The following TTBK2 variants were observed in gnomAD, a reference collection of about 807,000 sequenced individuals.
TTBK2 encodes tau-tubulin kinase 2.
A neutral mutation model predicts 110.8 loss-of-function variants in TTBK2; 28 were observed. The observed-to-expected ratio is 0.25, with a 90% CI of 0.19 to 0.35. The LOEUF is 0.35. Among genes scored for constraint, TTBK2 ranks in the 10% least tolerant of loss-of-function variants. The pLI is 1.00. For synonymous variants in TTBK2, 532 were observed against 527.3 expected (o/e 1.01, Z -0.12); for missense variants, 1,369 against 1,500.3 (o/e 0.91, Z 1.45).
rs12437637 is a variant in TTBK2, at chr15:42,920,620, C to G, written c.-250G>C. ...CCGGCTGGGTAGTCCCCTGGGGTAC[C>G]GTCCGCGTTTACTGGCGGCGGCGGC... On this transcript the variant is annotated 5_prime_UTR_variant, in exon 1 of 15. Transcript: ENST00000267890. The G allele has an allele frequency of 0.57, 89,951 of 156,924 alleles. 29,243 individuals are homozygous for G. Among genetic ancestry groups the G allele is most frequent in the Non-Finnish European group, 0.71 (50,593 of 71,526 alleles). The allele number at this position is 156,924 out of a possible 1,614,324, so 9.7% of individuals were successfully genotyped here. A position where few individuals can be genotyped will look rare whatever the true frequency, so the allele number is the denominator to read the frequency against.
At chr15:42,835,671 A>C (rs768569251) in intron 4 of TTBK2, among the ~76,000 whole-genome samples, 2 of 152,134 alleles carry the variant, frequency 1.3e-5, no homozygotes, top group African/African-American at 4.8e-5. Flanking sequence ...GATCATTGAA[A>C]CTGAAGATTG....
chr15:42,904,148 G>A (rs1002813121), intron 1 of TTBK2, among the ~76,000 whole-genome samples: 20 of 152,062 alleles, frequency 1.3e-4, no homozygotes, highest in Admixed American at 4.6e-4. Flanking sequence ...GTATCCACCC[G>A]AGTCATACCC....
chr15:42,836,489 G>A (rs1418058773), intron 4 of TTBK2, among the ~76,000 whole-genome samples: 1 of 151,994 alleles, frequency 6.6e-6, no homozygotes, highest in African/African-American at 2.4e-5. Flanking sequence ...CTGTACAGAT[G>A]GGAGTTTAAA....
At chr15:42,869,697 T>C (rs550544893) in intron 3 of TTBK2, among the ~76,000 whole-genome samples, 2 of 152,042 alleles carry the variant, frequency 1.3e-5, no homozygotes, top group Non-Finnish European at 2.9e-5. Context: ...TATTCAGAGA[T>C]GTATCTCTGA....
intron 13 of TTBK2, among the ~76,000 whole-genome samples, chr15:42,765,698 G>T (rs1889333965): frequency 6.6e-6 from 1 of 152,154 alleles, no homozygotes; most frequent in African/African-American, 2.4e-5. Flanking sequence ...CACTCTGCAG[G>T]ATATTATCCA....
chr15:42,910,706 A>G lies in TTBK2; in HGVS notation c.-68+9732T>C, dbSNP rs750007202. 2.4e-4 allele frequency among the ~76,000 whole-genome samples: 37 copies of G among 152,360 alleles called. 1 individual carries two copies. The highest frequency in any genetic ancestry group is 5.0e-4 in the Non-Finnish European group (34 of 68,024). On this transcript the variant is annotated intron_variant, in intron 1 of 14. Coordinates refer to ENST00000267890, the MANE Select transcript of TTBK2 (RefSeq NM_173500.4). The stretch of plus-strand genomic sequence containing the variant: ...CAAAATAGTCTTTGAATGAGAACAC[A>G]TAATACAAAAACAGAAATTAACAGT...
intron 13 of TTBK2, among the ~76,000 whole-genome samples, chr15:42,771,750 G>T (rs1048562147): frequency 1.3e-5 from 2 of 151,758 alleles, no homozygotes; most frequent in South Asian, 4.2e-4. Context: ...TCCTTTTCTC[G>T]ATCTCTAAGA....
chr15:42,918,573 C>G (rs1431332358), intron 1 of TTBK2, among the ~76,000 whole-genome samples: 1 of 152,180 alleles, frequency 6.6e-6, no homozygotes, highest in Non-Finnish European at 1.5e-5. Flanking sequence ...TAACTCGGAT[C>G]TGTAATATTC....
intron 10 of TTBK2, among the ~76,000 whole-genome samples, chr15:42,793,588 C>G (rs548591955): frequency 9.2e-5 from 14 of 151,992 alleles, no homozygotes; most frequent in African/African-American, 3.4e-4. Context: ...GTGGCTCACG[C>G]CTGTAATCCC....
chr15:42,906,852 T>A (rs1315040089), intron 1 of TTBK2, among the ~76,000 whole-genome samples: 5 of 151,790 alleles, frequency 3.3e-5, no homozygotes, highest in Admixed American at 3.3e-4. Flanking sequence ...ATCTGATTTT[T>A]AAATGGGCAA....
Position 42,745,486 on chromosome 15 carries a change from C to T in TTBK2, c.*309G>A. On this transcript the variant is annotated 3_prime_UTR_variant, in exon 15 of 15. Transcript: ENST00000267890. ...CAACCCCCCTAAAATTCCATTCTAT[C>T]TCCTATCCTCAACTCTTTTGTTTCA... 2.6e-6 allele frequency: 1 copy of T among 382,564 alleles called. No individual in the cohort carries two copies. The highest frequency in any genetic ancestry group is 4.9e-6 in the Non-Finnish European group (1 of 205,822). The allele number at this position is 382,564 out of a possible 1,614,324, so 23.7% of individuals were successfully genotyped here.
At chr15:42,909,173 CT>C (rs984292651) in intron 1 of TTBK2, among the ~76,000 whole-genome samples, 1 of 152,234 alleles carries the variant, frequency 6.6e-6, no homozygotes, top group African/African-American at 2.4e-5. Flanking sequence ...GTTCTCCAGG[CT>C]GGAGCGCAGT....
rs1213920771 is a variant in TTBK2 at position 42,746,069 on chromosome 15, G to C, written c.3461C>G (p.Ser1154Cys). 3.1e-6 allele frequency: 5 copies of C among 1,614,024 alleles called. No individual in the cohort carries two copies. In the African/African-American group the frequency reaches 4.0e-5, roughly 13 times the overall value. Residue 1154 changes from serine (S) to cysteine (C), a missense_variant, in exon 15 of 15, where the codon TCT becomes TGT. Physicochemically the swap from Ser to Cys is moderately radical, Grantham distance 112. Around this residue, in one of 4 missense-constraint regions of TTBK2, gnomAD observed 1,097 missense variants for 1,114.7 expected, o/e 0.98. Transcript: ENST00000267890. The part of the protein sequence containing the change: ...PVVPRRSPSA[S>C]PRSSSLPRTS... Reference sequence around the variant, plus strand: ...GCGAGGCAAGGATGAGCTTCGAGGAGAGGCACTGGGACTCCTGCGAGGGAC... The same window carrying C: ...GCGAGGCAAGGATGAGCTTCGAGGACAGGCACTGGGACTCCTGCGAGGGAC...
chr15:42,872,675 C>T lies in TTBK2; in HGVS notation c.153G>A (p.Val51=). ...MLTRENVALK[V]ESAQQPKQVL... ...CTTGTTTTGGTTGTTGAGCTGATTCCACCTTCAGTGCAACATTTTCCCTGG... is the reference window on the plus strand; with the variant it reads ...CTTGTTTTGGTTGTTGAGCTGATTCTACCTTCAGTGCAACATTTTCCCTGG... Residue 51 remains valine, a synonymous_variant, in exon 3 of 15, where the codon GTG becomes GTA. Coordinates refer to ENST00000267890, the MANE Select transcript of TTBK2 (RefSeq NM_173500.4). The T allele has an allele frequency of 6.2e-7, 1 of 1,614,020 alleles. No individual in the cohort carries two copies. Among genetic ancestry groups the T allele is most frequent in the South Asian group, 1.1e-5 (1 of 91,070 alleles).
At chr15:42,882,464 A>G (rs891222236) in intron 1 of TTBK2, among the ~76,000 whole-genome samples, 1 of 151,112 alleles carries the variant, frequency 6.6e-6, no homozygotes, top group African/African-American at 2.4e-5. Flanking sequence ...ATATATATAT[A>G]TTAGCCAGGT....
At chr15:42,873,977 T>A (rs1369546382) in intron 2 of TTBK2, among the ~76,000 whole-genome samples, 2 of 152,242 alleles carry the variant, frequency 1.3e-5, no homozygotes, top group Non-Finnish European at 2.9e-5. Context: ...AATTTCTTTA[T>A]CTTCTGAATT....
intron 3 of TTBK2, among the ~76,000 whole-genome samples, chr15:42,863,633 C>A (rs1894246928): frequency 6.6e-6 from 1 of 152,072 alleles, no homozygotes; most frequent in Non-Finnish European, 1.5e-5. Context: ...CCAAAGCAGT[C>A]TTAAGCAAAA....
At chr15:42,816,865 G>C (rs901728433) in intron 7 of TTBK2, among the ~76,000 whole-genome samples, 167 bp downstream of exon 7, 4 of 151,776 alleles carry the variant, frequency 2.6e-5, no homozygotes, top group Non-Finnish European at 5.9e-5. Context: ...GTTGCGGTGA[G>C]CCAAGATCGG....
intron 13 of TTBK2, among the ~76,000 whole-genome samples, chr15:42,759,176 GAAA>G (rs1411775781): frequency 6.6e-6 from 1 of 152,210 alleles, no homozygotes; most frequent in Non-Finnish European, 1.5e-5. Flanking sequence ...TGCACAGCAG[GAAA>G]ACTAACCCCT....
Sources: allele counts gnomAD v4.1 joint callset (sites outside exome capture counted in the v4.1 genomes callset), GRCh38; gene constraint gnomAD v4.1.1; regional missense constraint gnomAD v4.1.1; transcripts MANE v1.5; gene names NCBI Gene and HGNC (gene_info 2026-07-23, HGNC 2026-07-21).